Variants in CLASP2 observed in about 807,000 individuals in gnomAD.
CLASP2 encodes the protein CLIP-associating protein 2.
A neutral mutation model predicts 194.4 loss-of-function variants in CLASP2; 47 were observed. The observed-to-expected ratio is 0.24, with a 90% CI of 0.19 to 0.31. CLASP2 has a LOEUF of 0.31. Among genes scored for constraint, CLASP2 ranks in the 10% least tolerant of loss-of-function variants. CLASP2 has a pLI of 1.00. For synonymous variants in CLASP2, 619 were observed against 633.5 expected, an observed-to-expected ratio of 0.98 and a Z score of 0.34; for missense variants, 1,445 against 1,823.6, an observed-to-expected ratio of 0.79 and a Z score of 3.78.
intron 6 of CLASP2, among the ~76,000 whole-genome samples, chr3:33,678,578 T>C (rs2089258900): frequency 6.6e-6 from 1 of 152,078 alleles, no homozygotes; most frequent in African/African-American, 2.4e-5. Context: ...AAAGAAGAAA[T>C]AAAGACTTTC....
chr3:33,659,130 T>G, intron 7 of CLASP2: 1 of 1,425,720 alleles, frequency 7.0e-7, no homozygotes, highest in Middle Eastern at 2.0e-4. Flanking sequence ...GCTGCAGCTC[T>G]GCACCGCAAT....
chr3:33,684,478 T>C, intron 5 of CLASP2, 22 bp from the exon 6 acceptor site: 1 of 1,456,408 alleles, frequency 6.9e-7, no homozygotes. Context: ...TTCAGAACTT[T>C]TTAATAAACT....
chr3:33,597,597 C>T (rs1306784016), intron 18 of CLASP2, among the ~76,000 whole-genome samples: 1 of 151,996 alleles, frequency 6.6e-6, no homozygotes, highest in East Asian at 1.9e-4. Context: ...GTAATTGTGG[C>T]TGGTTGTGCA....
At chr3:33,606,235 T>C (rs2073817002) in intron 16 of CLASP2, among the ~76,000 whole-genome samples, 1 of 152,170 alleles carries the variant, frequency 6.6e-6, no homozygotes, top group African/African-American at 2.4e-5. Flanking sequence ...CATAGTGTTG[T>C]AGAATTCTCA....
intron 37 of CLASP2, among the ~76,000 whole-genome samples, chr3:33,507,120 A>G (rs988890158): frequency 6.6e-6 from 1 of 151,806 alleles, no homozygotes; most frequent in Non-Finnish European, 1.5e-5. Flanking sequence ...TTGTATTTTT[A>G]CTAGAGACGG....
At chr3:33,659,067 TG>T in intron 7 of CLASP2, 2 of 1,527,012 alleles carry the variant, frequency 1.3e-6, no homozygotes, top group Non-Finnish European at 1.8e-6. Context: ...CCTGCGCCAC[TG>T]GGCTCGGCCT....
chr3:33,635,079 A>G (rs2079872012), intron 8 of CLASP2, among the ~76,000 whole-genome samples: 1 of 151,220 alleles, frequency 6.6e-6, no homozygotes, highest in Non-Finnish European at 1.5e-5. Flanking sequence ...TGAAGAAACC[A>G]TGTCTCTACT....
At chr3:33,697,029 TATTAC>T in intron 1 of CLASP2, 96 bp from the exon 2 acceptor site, 1 of 719,334 alleles carries the variant, frequency 1.4e-6, no homozygotes, top group Non-Finnish European at 2.3e-6. Flanking sequence ...TTCATAAATA[TATTAC>T]ATTTTTTAAA....
intron 6 of CLASP2, among the ~76,000 whole-genome samples, chr3:33,679,619 A>G (rs2089449622): frequency 6.6e-6 from 1 of 152,214 alleles, no homozygotes; most frequent in Non-Finnish European, 1.5e-5. Flanking sequence ...CAGATGGCAA[A>G]CAAGCATACA....
At chr3:33,542,374 A>G (rs2058500284) in intron 32 of CLASP2, among the ~76,000 whole-genome samples, 1 of 148,540 alleles carries the variant, frequency 6.7e-6, no homozygotes, top group Non-Finnish European at 1.5e-5. Context: ...TATGTAATGA[A>G]TTATAATAAC....
intron 7 of CLASP2, among the ~76,000 whole-genome samples, chr3:33,651,822 G>A: frequency 6.6e-6 from 1 of 152,014 alleles, no homozygotes. Context: ...ACCACGGCCA[G>A]CTAATTTTGT....
At chr3:33,641,644 C>G (rs1417437534) in intron 8 of CLASP2, among the ~76,000 whole-genome samples, 1 of 151,766 alleles carries the variant, frequency 6.6e-6, no homozygotes, top group Admixed American at 6.6e-5. Context: ...GGATACTTTG[C>G]TAAAAATTGC....
intron 8 of CLASP2, among the ~76,000 whole-genome samples, chr3:33,642,982 G>A (rs1232396077): frequency 2.0e-5 from 3 of 151,794 alleles, no homozygotes; most frequent in Non-Finnish European, 4.4e-5. Context: ...TTGCTTAGAT[G>A]GCTGATAAAA....
At position 33,543,451 on chromosome 3, in the gene CLASP2, T is replaced by G; in HGVS notation, c.3386A>C (p.Gln1129Pro). The change falls in exon 32 of 39, where the codon CAG becomes CCG. Residue 1129 changes from glutamine to proline, a missense_variant. Gln to Pro is a moderately conservative substitution (Grantham distance 76). Coordinates refer to ENST00000682230, the MANE Select transcript of CLASP2 (RefSeq NM_001365631.1). ...TTATTACCTTGGAGATAAAGTATTC[T>G]GTGATGTATTGGTAGGAGAAGTAAG... ...SPLTSPTNTSQNTLSPSAFDY... is the reference protein window; with the variant it reads ...SPLTSPTNTSPNTLSPSAFDY... 6 of 1,600,464 alleles carry G rather than the reference T, an allele frequency of 3.7e-6. No individual in the cohort carries two copies. The highest frequency in any genetic ancestry group is 5.1e-6 in the Non-Finnish European group (6 of 1,167,594).
intron 34 of CLASP2, among the ~76,000 whole-genome samples, chr3:33,534,497 G>A (rs903646356): frequency 3.3e-5 from 5 of 152,156 alleles, no homozygotes; most frequent in Admixed American, 1.3e-4. Context: ...AGCCTACGAG[G>A]ACAAGGCTGC....
intron 6 of CLASP2, among the ~76,000 whole-genome samples, chr3:33,669,822 A>C (rs2086826780): frequency 6.6e-6 from 1 of 152,230 alleles, no homozygotes; most frequent in South Asian, 2.1e-4. Context: ...ACCAGTGATA[A>C]TACAAATGGG....
rs112643307 is a variant in CLASP2, at chr3:33,717,588, G to A, written c.195+220C>T. On this transcript the variant is annotated intron_variant, in intron 1 of 38. Transcript: ENST00000682230. ...ATTACAGGCGCCCGCCACCACGCCC[G>A]GCTAATTTTTGTATTTTTAGTAGAG... Among the ~76,000 whole-genome samples the A allele has an allele frequency of 7.2e-3, 1,096 of 152,104 alleles. 11 individuals are homozygous for A. Among genetic ancestry groups the A allele is most frequent in the African/African-American group, 0.025 (1,036 of 41,476 alleles).
At chr3:33,609,023 T>C (rs2074534931) in intron 13 of CLASP2, among the ~76,000 whole-genome samples, 1 of 152,132 alleles carries the variant, frequency 6.6e-6, no homozygotes, top group Non-Finnish European at 1.5e-5. Flanking sequence ...TTCATGCCTG[T>C]AATCTCAGCA....
At chr3:33,567,844 C>T (rs1330401693) in intron 26 of CLASP2, among the ~76,000 whole-genome samples, 7 of 152,156 alleles carry the variant, frequency 4.6e-5, no homozygotes, top group Non-Finnish European at 8.8e-5. Flanking sequence ...TACGTCTTGT[C>T]TACTCAGTGA....
Sources: allele counts gnomAD v4.1 joint callset (sites outside exome capture counted in the v4.1 genomes callset), GRCh38; gene constraint gnomAD v4.1.1; transcripts MANE v1.5; gene names NCBI Gene and HGNC (gene_info 2026-07-23, HGNC 2026-07-21).